ZSCAN5A: variants seen among roughly 807,000 people sequenced by gnomAD.
The protein encoded by ZSCAN5A is zinc finger and SCAN domain-containing protein 5A.
ZSCAN5A carries 12 observed loss-of-function variants against 23.7 expected under a neutral mutation model. The observed-to-expected ratio is 0.51, with a 90% CI of 0.32 to 0.82. The LOEUF is 0.82. Among genes scored for constraint, ZSCAN5A ranks in the 40% least tolerant of loss-of-function variants. The probability of loss-of-function intolerance (pLI) is 0.03; values close to 1 mark genes in which losing one functional copy is unlikely to be tolerated. For synonymous variants in ZSCAN5A, 257 were observed against 239.9 expected, an observed-to-expected ratio of 1.07 and a Z score of -0.66; for missense variants, 597 against 617.9, an observed-to-expected ratio of 0.97 and a Z score of 0.36.
intron 2 of ZSCAN5A, among the ~76,000 whole-genome samples, chr19:56,265,826 T>C (rs560219356): frequency 6.6e-6 from 1 of 152,296 alleles, no homozygotes; most frequent in African/African-American, 2.4e-5. Flanking sequence ...TTAGCCTGGC[T>C]TAGGACAAAG....
chr19:56,291,310 C>T (rs1479143854), intron 2 of ZSCAN5A, among the ~76,000 whole-genome samples: 1 of 152,190 alleles, frequency 6.6e-6, no homozygotes, highest in Non-Finnish European at 1.5e-5. Flanking sequence ...TCTTCCTAAT[C>T]TCTGGAAGAT....
chr19:56,238,260 T>C (rs1159789129), intron 2 of ZSCAN5A, among the ~76,000 whole-genome samples: 1 of 152,144 alleles, frequency 6.6e-6, no homozygotes, highest in Non-Finnish European at 1.5e-5. Context: ...GAGGATTACT[T>C]GAGGCCAGGA....
At chr19:56,300,588 G>A (rs917976392) in intron 2 of ZSCAN5A, among the ~76,000 whole-genome samples, 33 of 152,184 alleles carry the variant, frequency 2.2e-4, no homozygotes, top group Admixed American at 1.6e-3. Context: ...ACTTAGCTTT[G>A]AAAAAGATTA....
chr19:56,287,093 T>C (rs76233859), intron 2 of ZSCAN5A, among the ~76,000 whole-genome samples: 1 of 152,342 alleles, frequency 6.6e-6, no homozygotes, highest in South Asian at 2.1e-4. Context: ...TTCTGGAGTC[T>C]AAAGTCTTCC....
At chr19:56,234,624 TATTCATAG>T (rs1470814867) in intron 2 of ZSCAN5A, among the ~76,000 whole-genome samples, 1 of 152,214 alleles carries the variant, frequency 6.6e-6, no homozygotes, top group Non-Finnish European at 1.5e-5. Context: ...AAACCGATGT[TATTCATAG>T]ATTCCAGACA....
At chr19:56,304,226 T>C (rs986441111) in intron 2 of ZSCAN5A, among the ~76,000 whole-genome samples, 2 of 152,170 alleles carry the variant, frequency 1.3e-5, no homozygotes, top group African/African-American at 4.8e-5. Context: ...ATGAGAGCCG[T>C]GCAGCAGTTC....
At chr19:56,233,986 G>A (rs2034677646) in intron 2 of ZSCAN5A, among the ~76,000 whole-genome samples, 1 of 152,070 alleles carries the variant, frequency 6.6e-6, no homozygotes, top group African/African-American at 2.4e-5. Flanking sequence ...TGAGGCAGGA[G>A]GATTTCTTGA....
intron 2 of ZSCAN5A, among the ~76,000 whole-genome samples, chr19:56,271,596 C>T (rs11084440): frequency 0.43 from 64,902 of 151,990 alleles, 15,310 homozygotes; most frequent in Non-Finnish European, 0.53. Flanking sequence ...TCTGAAGGAT[C>T]GCTGAGGTAT....
At chr19:56,288,770 G>C (rs1358989590) in intron 2 of ZSCAN5A, among the ~76,000 whole-genome samples, 6 of 152,194 alleles carry the variant, frequency 3.9e-5, no homozygotes, top group African/African-American at 1.4e-4. Context: ...TGACTGGTCA[G>C]GGATGCTTAG....
At chr19:56,359,087 A>G (rs979224938) in intron 2 of ZSCAN5A, among the ~76,000 whole-genome samples, 3 of 152,198 alleles carry the variant, frequency 2.0e-5, no homozygotes, top group African/African-American at 7.2e-5. Context: ...AGCACAACTG[A>G]AGAAGAAAGA....
chr19:56,230,234 C>T (rs894552403), intron 2 of ZSCAN5A, among the ~76,000 whole-genome samples: 7 of 152,096 alleles, frequency 4.6e-5, no homozygotes, highest in Non-Finnish European at 1.0e-4. Flanking sequence ...TTCAGGCACA[C>T]GCCACCATGC....
chr19:56,317,431 AAGACAG>A (rs2041328452), upstream of ZSCAN5A: 1 of 152,332 alleles, frequency 6.6e-6, no homozygotes, highest in Non-Finnish European at 1.5e-5. Flanking sequence ...CAAGTAGCCC[AAGACAG>A]AGTAGAAGGC....
At chr19:56,353,303 G>A (rs1162936552) in intron 2 of ZSCAN5A, among the ~76,000 whole-genome samples, 2 of 152,142 alleles carry the variant, frequency 1.3e-5, no homozygotes, top group African/African-American at 4.8e-5. Flanking sequence ...AAATGGGAGT[G>A]AAAATATTGT....
chr19:56,287,482 C>G (rs1323616911), intron 2 of ZSCAN5A, among the ~76,000 whole-genome samples: 2 of 152,138 alleles, frequency 1.3e-5, no homozygotes, highest in African/African-American at 2.4e-5. Context: ...AGTTCTCCCC[C>G]ACTCCCATCC....
intron 2 of ZSCAN5A, among the ~76,000 whole-genome samples, chr19:56,277,497 T>C (rs958696112): frequency 4.0e-5 from 6 of 148,658 alleles, no homozygotes; most frequent in Non-Finnish European, 7.4e-5. Context: ...GGCAAATCCA[T>C]AGAGACACAA....
intron 2 of ZSCAN5A, chr19:56,322,138 G>A (rs1264250340): frequency 3.3e-5 from 25 of 766,526 alleles, no homozygotes; most frequent in East Asian, 2.0e-4. Context: ...GTAGCTGAGC[G>A]TCTCTGGAAG....
chr19:56,243,347 C>A (rs1235576865), intron 2 of ZSCAN5A, among the ~76,000 whole-genome samples: 2 of 152,078 alleles, frequency 1.3e-5, no homozygotes, highest in Non-Finnish European at 2.9e-5. Context: ...AAATTGTGCA[C>A]TTCAAGATGG....
intron 2 of ZSCAN5A, among the ~76,000 whole-genome samples, chr19:56,306,381 C>T (rs2040692076): frequency 1.8e-5 from 2 of 109,426 alleles, no homozygotes; most frequent in East Asian, 2.9e-4. Context: ...GCCTCTCCCA[C>T]GTCGCCAGAG....
In ZSCAN5A at chr19:56,352,923, C is replaced by T. The variant is rs980714018; in HGVS notation, c.-358+10312G>A. 2.6e-5 allele frequency among the ~76,000 whole-genome samples: 4 copies of T among 152,200 alleles called. No individual in the cohort carries two copies. The highest frequency in any genetic ancestry group is 2.1e-4 in the South Asian group (1 of 4,830). The stretch of plus-strand genomic sequence containing the variant: ...GGCAGTGTTTCGATCTATTACACTA[C>T]AGACATTGTGGGCCACATAATACAT... On this transcript the variant is annotated intron_variant, in intron 2 of 6. Transcript: ENST00000587340. The surrounding 1 kb of genome is among the most constrained non-coding windows in gnomAD (Gnocchi z 4.2).
Sources: gnomAD v4.1 joint callset for allele counts (sites outside exome capture counted in the v4.1 genomes callset) on GRCh38, gnomAD v4.1.1 for gene constraint, Gnocchi (gnomAD v3.1) non-coding constraint, MANE v1.5 for transcripts, NCBI Gene and HGNC (gene_info 2026-07-23, HGNC 2026-07-21) for gene names.